ARAP1: variants seen among roughly 807,000 people sequenced by gnomAD.
The protein encoded by ARAP1 is ArfGAP with RhoGAP domain, ankyrin repeat and PH domain 1.
Under a neutral mutation model 172.2 loss-of-function variants are expected in ARAP1, and 76 were observed. The ratio of observed to expected loss-of-function variants is 0.44; its 90% confidence interval spans 0.37 to 0.53. The LOEUF is 0.53. Ranked by LOEUF, ARAP1 falls within the 20% of genes least tolerant of loss-of-function variation. The pLI is 0.00. For synonymous variants in ARAP1, 804 were observed against 803.3 expected, an observed-to-expected ratio of 1.00 and a Z score of -0.01; for missense variants, 1,686 against 1,977.5, an observed-to-expected ratio of 0.85 and a Z score of 2.80.
chr11:72,703,614 G>A (rs538806020), intron 14 of ARAP1, among the ~76,000 whole-genome samples: 5 of 152,280 alleles, frequency 3.3e-5, no homozygotes, highest in East Asian at 1.9e-4. Context: ...TGGGAGGGGC[G>A]GTTTGGGGGA....
chr11:72,712,600 C>A (rs1231828579), intron 5 of ARAP1, 32 bp from the exon 6 acceptor site: 1 of 1,609,490 alleles, frequency 6.2e-7, no homozygotes. Flanking sequence ...CGTCATCCTT[C>A]CCTTCAAGCC....
In ARAP1 at chr11:72,696,669, T is replaced by A; in HGVS notation, c.3167-15A>T. 1 of 1,568,234 alleles carries A rather than the reference T, an allele frequency of 6.4e-7. No homozygotes were observed. The highest frequency in any genetic ancestry group is 1.2e-5 in the South Asian group (1 of 86,122). ...GTCCTCAATCTCTGGGTGGGAAAGA[T>A]AAATCAAGTCAGAAACCCCCTGTAA... On this transcript the variant is annotated splice_polypyrimidine_tract_variant and intron_variant, in intron 22 of 34. Coordinates refer to ENST00000393609, the MANE Select transcript of ARAP1 (RefSeq NM_001040118.3).
At chr11:72,729,611 G>A (rs536439016) in intron 2 of ARAP1, among the ~76,000 whole-genome samples, 1 of 151,814 alleles carries the variant, frequency 6.6e-6, no homozygotes, top group South Asian at 2.1e-4. Context: ...AATAAAAAAT[G>A]AAAGGATTTA....
intron 30 of ARAP1, among the ~76,000 whole-genome samples, chr11:72,690,191 T>C (rs925557412): frequency 1.3e-5 from 2 of 151,822 alleles, no homozygotes; most frequent in African/African-American, 4.8e-5. Context: ...AGCAGTCAAG[T>C]GAGTTGAGGG....
intron 27 of ARAP1, among the ~76,000 whole-genome samples, chr11:72,694,275 C>T (rs1856076715): frequency 6.6e-6 from 1 of 151,954 alleles, no homozygotes; most frequent in Admixed American, 6.6e-5. Flanking sequence ...CCCCACCCAT[C>T]AGCGAGTAGC....
At chr11:72,694,178 T>C (rs10751211) in intron 27 of ARAP1, among the ~76,000 whole-genome samples, 115,310 of 151,064 alleles carry the variant, frequency 0.76, 44,306 homozygotes, top group Non-Finnish European at 0.82. Flanking sequence ...CTGCTCTGTC[T>C]ATCTCCACTG....
intron 3 of ARAP1, among the ~76,000 whole-genome samples, chr11:72,719,908 A>G (rs1857438534): frequency 6.6e-6 from 1 of 152,064 alleles, no homozygotes; most frequent in South Asian, 2.1e-4. Context: ...CCTCCTATAA[A>G]AAGCCCAAAT....
At position 72,699,069 on chromosome 11, in the gene ARAP1, C is replaced by T. The variant is rs369790435; in HGVS notation, c.2477G>A (p.Arg826Gln). ...ACTCTCCAGCCCAAACAGGTACAGC[C>T]GTTCTCCCTCCGTGTACACCTCAAA... is the stretch of plus-strand genomic sequence containing the variant. ...HTFEVYTEGE[R>Q]LYLFGLESAE... The change falls in exon 18 of 35, where the codon CGG (arginine) becomes CAG (glutamine). Residue 826 changes from arginine (R) to glutamine (Q), a missense_variant. Arg to Gln is a conservative substitution (Grantham distance 43). Coordinates refer to ENST00000393609, the MANE Select transcript of ARAP1 (RefSeq NM_001040118.3). This position sits in a 1 kb window ranked among gnomAD's most constrained non-coding sequence, Gnocchi z 4.2. 2.1e-4 allele frequency: 339 copies of T among 1,614,062 alleles called. No individual in the cohort carries two copies. The highest frequency in any genetic ancestry group is 2.7e-4 in the Non-Finnish European group (313 of 1,180,060).
intron 12 of ARAP1, 107 bp from the exon 13 acceptor site, chr11:72,705,997 A>G: frequency 8.9e-7 from 1 of 1,127,902 alleles, no homozygotes; most frequent in Non-Finnish European, 1.3e-6. Context: ...GGCCACAGGC[A>G]GGCCCCAGGG....
At chr11:72,733,363 G>A (rs1012819152) in intron 1 of ARAP1, among the ~76,000 whole-genome samples, 2 of 152,146 alleles carry the variant, frequency 1.3e-5, no homozygotes, top group African/African-American at 2.4e-5. Context: ...AGGACCCAGG[G>A]ACACAGGACC....
rs553850633 is a variant in ARAP1, at chr11:72,733,008, G to C, written c.-127-411C>G. Among the ~76,000 whole-genome samples the C allele has an allele frequency of 1.3e-5, 2 of 152,092 alleles. 1 individual carries two copies. Among genetic ancestry groups the C allele is most frequent in the South Asian group, 4.2e-4 (2 of 4,802 alleles). On this transcript the variant is annotated intron_variant, in intron 1 of 34. Coordinates refer to ENST00000393609, the MANE Select transcript of ARAP1 (RefSeq NM_001040118.3). ...AAAAAAAAGAAAAGAAAAAAGAAGA[G>C]ATGGGGAAGAGGTGGAAGAAGAGGA...
rs374635422 is a variant in ARAP1 at position 72,714,442 on chromosome 11, G to A, written c.510-121C>T. On this transcript the variant is annotated intron_variant, in intron 3 of 34. Coordinates refer to ENST00000393609, the MANE Select transcript of ARAP1 (RefSeq NM_001040118.3). The stretch of plus-strand genomic sequence containing the variant: ...GCACTACACAAACTCACACAGACAG[G>A]AGCCCTCCTGCACACAGTCCTCCTC... 10 of 981,398 alleles carry A rather than the reference G, an allele frequency of 1.0e-5. No individual in the cohort carries two copies. The Admixed American group carries it at 1.1e-4, about 11-fold the overall frequency. 60.8% of individuals were successfully genotyped at this position (981,398 alleles called of 1,614,324 possible).
At chr11:72,750,167 G>A (rs1048050604) in intron 1 of ARAP1, among the ~76,000 whole-genome samples, 4 of 152,224 alleles carry the variant, frequency 2.6e-5, no homozygotes, top group African/African-American at 9.7e-5. Flanking sequence ...AAGCGGGGTA[G>A]AGGGGACAGC....
At chr11:72,701,901 T>A (rs1856499890) in intron 15 of ARAP1, 118 bp from the exon 16 acceptor site, 2 of 1,345,942 alleles carry the variant, frequency 1.5e-6, no homozygotes, top group Non-Finnish European at 2.0e-6. Flanking sequence ...CCCAGCTCCC[T>A]AACTGGCAGC....
Position 72,693,446 on chromosome 11 carries a change from T to C in ARAP1, c.3833A>G (p.His1278Arg), listed in dbSNP as rs1687046024. 5 of 1,613,510 alleles carry C rather than the reference T, an allele frequency of 3.1e-6. No individual in the cohort carries two copies. The African/African-American group carries it at 6.7e-5, about 22-fold the overall frequency. ...GTCCTCACGGAACTTCATCATGCCA[T>C]GCTTGGTGTCACCGACACGGCTGGC... ...YLASRVGDTK[H>R]GMMKFREDRS... The change falls in exon 29 of 35, where the codon CAT (histidine) becomes CGT (arginine). Residue 1278 changes from histidine to arginine, a missense_variant. Around this residue, in one of 5 missense-constraint regions of ARAP1, gnomAD observed 379 missense variants for 500.1 expected, o/e 0.76. Coordinates refer to ENST00000393609, the MANE Select transcript of ARAP1 (RefSeq NM_001040118.3). The surrounding 1 kb of genome is among the most constrained non-coding windows in gnomAD (Gnocchi z 4.6).
intron 11 of ARAP1, among the ~76,000 whole-genome samples, chr11:72,708,803 G>A (rs1483290884): frequency 3.9e-5 from 6 of 152,326 alleles, no homozygotes; most frequent in East Asian, 3.9e-4. Context: ...TTGGGAGGCC[G>A]AGGTGGGTGG....
intron 30 of ARAP1, among the ~76,000 whole-genome samples, chr11:72,690,582 G>A (rs1169839049): frequency 6.6e-6 from 1 of 152,104 alleles, no homozygotes; most frequent in African/African-American, 2.4e-5. Context: ...GTTTCACCAT[G>A]TTGCCCAGGC....
At chr11:72,751,223 AATGGGACACAGG>A (rs1858521821) in intron 1 of ARAP1, among the ~76,000 whole-genome samples, 1 of 152,108 alleles carries the variant, frequency 6.6e-6, no homozygotes, top group South Asian at 2.1e-4. Flanking sequence ...CCCAGCCAGG[AATGGGACACAGG>A]ATGAGTTCTC....
intron 3 of ARAP1, 46 bp from the exon 4 acceptor site, chr11:72,714,367 G>A: frequency 6.6e-7 from 1 of 1,523,720 alleles, no homozygotes; most frequent in Non-Finnish European, 8.8e-7. Context: ...ACAGAGCCAA[G>A]ACTGAAACAT....
Sources: gnomAD v4.1 joint callset for allele counts (sites outside exome capture counted in the v4.1 genomes callset) on GRCh38, gnomAD v4.1.1 for gene constraint, gnomAD v4.1.1 regional missense constraint, Gnocchi (gnomAD v3.1) non-coding constraint, MANE v1.5 for transcripts, NCBI Gene and HGNC (gene_info 2026-07-23, HGNC 2026-07-21) for gene names.